The following INO80 variants were observed in gnomAD, a reference collection of about 807,000 sequenced individuals.
The protein encoded by INO80 is INO80 complex ATPase subunit, also known as chromatin-remodeling ATPase INO80.
Under a neutral mutation model 203.4 loss-of-function variants are expected in INO80, and 20 were observed. The ratio of observed to expected loss-of-function variants is 0.10; its 90% CI spans 0.07 to 0.14. The LOEUF (loss-of-function observed/expected upper bound fraction) is 0.14, where lower values mean the gene tolerates loss of function less well. Ranked by LOEUF, INO80 falls within the 10% of genes least tolerant of loss-of-function variation. INO80 has a pLI of 1.00. For synonymous variants in INO80, 726 were observed against 685.2 expected, an observed-to-expected ratio of 1.06 and a Z score of -0.93; for missense variants, 1,419 against 1,914.4, an observed-to-expected ratio of 0.74 and a Z score of 4.83.
In INO80 at chr15:41,096,410, T is replaced by C. The variant is rs1326560197; in HGVS notation, c.-43-57A>G. The C allele has an allele frequency of 6.4e-6, 8 of 1,250,722 alleles. No individual in the cohort carries two copies. In the African/African-American group the frequency reaches 9.4e-5, roughly 15 times the overall value. 77.5% of individuals were successfully genotyped at this position (1,250,722 alleles called of 1,614,324 possible). The stretch of plus-strand genomic sequence containing the variant: ...AATTACTATCCATTCTCCCTTTCTC[T>C]TGCCTGCTTGTTCCCAATGTGAAGA... On this transcript the variant is annotated intron_variant, in intron 1 of 35. Transcript: ENST00000648947.
chr15:41,063,459 T>C (rs1218881151), intron 14 of INO80, among the ~76,000 whole-genome samples: 1 of 151,916 alleles, frequency 6.6e-6, no homozygotes, highest in South Asian at 2.1e-4. Flanking sequence ...AAAGCACAAA[T>C]ATTCCCAACA....
At chr15:41,064,214 G>A (rs919596917) in intron 14 of INO80, among the ~76,000 whole-genome samples, 1 of 152,068 alleles carries the variant, frequency 6.6e-6, no homozygotes, top group Admixed American at 6.5e-5. Flanking sequence ...ATACACAAAG[G>A]ACATATAAAC....
intron 12 of INO80, 40 bp from the exon 13 acceptor site, chr15:41,070,587 C>T: frequency 6.7e-7 from 1 of 1,499,262 alleles, no homozygotes; most frequent in East Asian, 2.3e-5. Context: ...TCATGCATTT[C>T]ATCAAATAAA....
chr15:41,070,442 A>C (rs749061337), intron 13 of INO80, 25 bp downstream of exon 13: 100 of 1,585,902 alleles, frequency 6.3e-5, no homozygotes, highest in Middle Eastern at 1.7e-4. Flanking sequence ...AGAGAAATGA[A>C]GATAGAAAGA....
chr15:41,095,789 T>C lies in INO80; in HGVS notation c.283A>G (p.Thr95Ala), dbSNP rs995415645. 3 of 1,614,164 alleles carry C rather than the reference T, an allele frequency of 1.9e-6. No homozygotes were observed. The highest frequency in any genetic ancestry group is 2.5e-6 in the Non-Finnish European group (3 of 1,180,020). ...SGAGSSGMLN[T>A]YSLNGVLQSE... ...TGTAGAACTCCATTCAGAGAATATG[T>C]GTTTAACATTCCAGAACTGCCTGCT... is the stretch of plus-strand genomic sequence containing the variant. The change falls in exon 3 of 36, where the codon ACA (threonine) becomes GCA (alanine). Residue 95 changes from threonine to alanine, a missense_variant. Coordinates refer to ENST00000648947, the MANE Select transcript of INO80 (RefSeq NM_017553.3).
intron 9 of INO80, among the ~76,000 whole-genome samples, chr15:41,079,209 T>G (rs1170622194): frequency 6.6e-6 from 1 of 152,128 alleles, no homozygotes; most frequent in Non-Finnish European, 1.5e-5. Context: ...CATTGTCCAC[T>G]GTCCCTATCT....
intron 5 of INO80, among the ~76,000 whole-genome samples, chr15:41,091,073 C>A (rs2045634053): frequency 6.6e-6 from 1 of 152,006 alleles, no homozygotes; most frequent in East Asian, 1.9e-4. Flanking sequence ...TACAGGCATG[C>A]ACCACCACGC....
At chr15:41,071,146 G>A (rs1199847908) in intron 12 of INO80, among the ~76,000 whole-genome samples, 2 of 152,222 alleles carry the variant, frequency 1.3e-5, no homozygotes, top group African/African-American at 4.8e-5. Context: ...TTCAGCCTGG[G>A]TGACAGAGTA....
Position 40,982,887 on chromosome 15 carries a change from G to GGCATAGGCAGCT in INO80, c.4416_4427dup (p.Ala1474_Ala1477dup). 1.2e-6 allele frequency: 2 copies of GGCATAGGCAGCT among 1,613,514 alleles called. No individual in the cohort carries two copies. ...CTTTAGACACGTTGTACCCGTATGC[G>GGCATAGGCAGCT]GCATAGGCAGCTGCAGAGGCCGCTG... On this transcript the variant is annotated inframe_insertion, in exon 35 of 36. Coordinates refer to ENST00000648947, the MANE Select transcript of INO80 (RefSeq NM_017553.3).
At chr15:41,034,244 G>A (rs938133841) in intron 24 of INO80, among the ~76,000 whole-genome samples, 3 of 152,170 alleles carry the variant, frequency 2.0e-5, no homozygotes, top group Non-Finnish European at 4.4e-5. Flanking sequence ...TCACCATAGG[G>A]TGGGTGAGTG....
chr15:41,102,585 G>A (rs536750833), intron 1 of INO80, among the ~76,000 whole-genome samples: 12 of 152,032 alleles, frequency 7.9e-5, no homozygotes, highest in Non-Finnish European at 1.6e-4. Flanking sequence ...CAGGAGAATC[G>A]CTTGAACCTG....
In INO80 at chr15:41,096,211, A is replaced by G. The variant is rs1407792773; in HGVS notation, c.100T>C (p.Phe34Leu). ...YLERALRLDH[F>L]LRQTSAIFNR... is the part of the protein sequence containing the mutation. ...AAGATAGCTGACGTTTGTCGCAGAA[A>G]ATGGTCCAACCGGAGGGCCCTCTCC... The change falls in exon 2 of 36, where the codon TTT becomes CTT. Residue 34 changes from phenylalanine (F) to leucine (L), a missense_variant. Phe to Leu is a conservative substitution (Grantham distance 22). This residue lies in a region of INO80 where 323 missense variants were observed against 325.4 expected (regional missense o/e 0.99). Coordinates refer to ENST00000648947, the MANE Select transcript of INO80 (RefSeq NM_017553.3). The G allele has an allele frequency of 1.2e-6, 2 of 1,613,050 alleles. No homozygotes were observed. Among genetic ancestry groups the G allele is most frequent in the Non-Finnish European group, 1.7e-6 (2 of 1,179,804 alleles).
At chr15:41,005,934 T>A (rs1176894606) in intron 27 of INO80, among the ~76,000 whole-genome samples, 1 of 143,512 alleles carries the variant, frequency 7.0e-6, no homozygotes, top group Non-Finnish European at 1.5e-5. Context: ...CTAATCTTAT[T>A]CCTGTAAATT....
intron 9 of INO80, among the ~76,000 whole-genome samples, chr15:41,075,644 C>T (rs186999100): frequency 2.6e-4 from 40 of 152,150 alleles, no homozygotes; most frequent in East Asian, 2.5e-3. Context: ...TTAGTAGAGA[C>T]GCGGTTTCAC....
chr15:41,055,460 G>A lies in INO80; in HGVS notation c.2071-96C>T, dbSNP rs2306083. On this transcript the variant is annotated intron_variant, in intron 17 of 35. Transcript: ENST00000648947. ...GAGAAAATTGCAGGTGTATTAGTGT[G>A]TAAGTGCCTAGATGCATGTGTATGT... is the stretch of plus-strand genomic sequence containing the variant. The A allele has an allele frequency of 0.43, 263,585 of 614,812 alleles. 58,273 individuals carry two copies. The highest frequency in any genetic ancestry group is 0.48 in the Middle Eastern group (1,173 of 2,444). 38.1% of individuals were successfully genotyped at this position (614,812 alleles called of 1,614,324 possible).
intron 28 of INO80, among the ~76,000 whole-genome samples, chr15:41,000,706 CAAAAAAA>C (rs58232890): frequency 4.4e-3 from 252 of 56,820 alleles, no homozygotes; most frequent in Non-Finnish European, 7.2e-3. Context: ...CACCCTGTCT[CAAAAAAA>C]AAAAAAAAAA....
At chr15:41,044,527 C>G (rs1198217573) in intron 24 of INO80, among the ~76,000 whole-genome samples, 1 of 151,944 alleles carries the variant, frequency 6.6e-6, no homozygotes, top group Non-Finnish European at 1.5e-5. Context: ...ATGGCAATTA[C>G]CTTTAATTGT....
In INO80 at chr15:40,984,164, G is replaced by A. The variant is rs373027191; in HGVS notation, c.4077+33C>T. 61 of 1,607,474 alleles carry A rather than the reference G, an allele frequency of 3.8e-5. No homozygotes were observed. The African/African-American group carries it at 4.9e-4, about 13-fold the overall frequency. On this transcript the variant is annotated intron_variant, in intron 33 of 35. Coordinates refer to ENST00000648947, the MANE Select transcript of INO80 (RefSeq NM_017553.3). ...GCTACACGGTCAGGACACTCCTTAC[G>A]GCTGTGATGCAGGCATCTAAAAGGA... is the stretch of plus-strand genomic sequence containing the variant.
chr15:41,045,485 C>G (rs4923894), intron 23 of INO80, among the ~76,000 whole-genome samples: 1 of 150,672 alleles, frequency 6.6e-6, no homozygotes, highest in Non-Finnish European at 1.5e-5. Context: ...GGGAGGCTGA[C>G]GCATGAGAAT....
Sources: allele counts gnomAD v4.1 joint callset (sites outside exome capture counted in the v4.1 genomes callset), GRCh38; gene constraint gnomAD v4.1.1; regional missense constraint gnomAD v4.1.1; transcripts MANE v1.5; gene names NCBI Gene and HGNC (gene_info 2026-07-23, HGNC 2026-07-21).